Variants in DZANK1 observed in about 807,000 individuals in gnomAD.
DZANK1 encodes double zinc ribbon and ankyrin repeat-containing protein 1.
DZANK1 carries 91 observed loss-of-function variants against 94.5 expected under a neutral mutation model. That is an observed-to-expected ratio of 0.96 (90% CI 0.81 to 1.15). The LOEUF (loss-of-function observed/expected upper bound fraction) is 1.15. Ranked by LOEUF, DZANK1 falls within the 50% of genes most tolerant of loss-of-function variation. The pLI is 0.00. For synonymous variants in DZANK1, 312 were observed against 325.3 expected (o/e 0.96, Z 0.44); for missense variants, 903 against 916.4 (o/e 0.99, Z 0.19).
At chr20:18,448,886 A>AAAT in intron 7 of DZANK1, 98 bp downstream of exon 7, 3 of 776,014 alleles carry the variant, frequency 3.9e-6, no homozygotes, top group Non-Finnish European at 6.1e-6. Context: ...AAAAAAAAAA[A>AAAT]GTTGGAGGTG....
At chr20:18,437,518 G>A (rs955138348) in intron 8 of DZANK1, among the ~76,000 whole-genome samples, 3 of 152,118 alleles carry the variant, frequency 2.0e-5, no homozygotes, top group Non-Finnish European at 4.4e-5. Flanking sequence ...GGCAGAGGTT[G>A]CAGTGAGCCG....
chr20:18,443,622 A>AGGTAATTT (rs2058781755), intron 7 of DZANK1, among the ~76,000 whole-genome samples, 158 bp from the exon 8 acceptor site: 1 of 152,224 alleles, frequency 6.6e-6, no homozygotes, highest in South Asian at 2.1e-4. Context: ...ATACTTATCT[A>AGGTAATTT]GGTCATTTGG....
chr20:18,422,916 T>C (rs778504733), intron 10 of DZANK1, among the ~76,000 whole-genome samples: 12 of 151,972 alleles, frequency 7.9e-5, no homozygotes, highest in African/African-American at 1.9e-4. Flanking sequence ...TTGATAGGGA[T>C]TGCATTCAAT....
chr20:18,465,920 G>A (rs531083362), intron 1 of DZANK1, among the ~76,000 whole-genome samples: 1 of 152,342 alleles, frequency 6.6e-6, no homozygotes, highest in Non-Finnish European at 1.5e-5. Context: ...TAGAAGGACT[G>A]CAGAGTACTA....
chr20:18,421,999 A>G (rs2057802835), intron 10 of DZANK1, among the ~76,000 whole-genome samples: 2 of 152,114 alleles, frequency 1.3e-5, no homozygotes, highest in South Asian at 4.1e-4. Flanking sequence ...ATTTTCTTCC[A>G]TTCTGTAGGT....
chr20:18,422,938 T>TC (rs1413786106), intron 10 of DZANK1, among the ~76,000 whole-genome samples: 1 of 151,978 alleles, frequency 6.6e-6, no homozygotes, highest in Non-Finnish European at 1.5e-5. Context: ...TGTAGATCTC[T>TC]CTTTAGGTAT....
chr20:18,395,471 C>A (rs1160686621), intron 15 of DZANK1, among the ~76,000 whole-genome samples: 1 of 152,166 alleles, frequency 6.6e-6, no homozygotes, highest in African/African-American at 2.4e-5. Context: ...TGGTGGCCTG[C>A]CCCATTCCCA....
chr20:18,428,334 G>A (rs57855732), intron 9 of DZANK1, among the ~76,000 whole-genome samples: 3 of 151,578 alleles, frequency 2.0e-5, no homozygotes, highest in African/African-American at 7.2e-5. Flanking sequence ...GACTAGAGGC[G>A]CATGCCACTA....
rs769581606 is a variant in DZANK1 at position 18,415,380 on chromosome 20, A to AT, written c.1023dup (p.Cys342MetfsTer30). The AT allele has an allele frequency of 2.5e-6, 4 of 1,596,714 alleles. No homozygotes were observed. The African/African-American group carries it at 5.4e-5, about 22-fold the overall frequency. ...GCCTCCCAGAGATTCCAGCGACCACATCTGTAGCAGGAAATGGTCCCCCCT... is the reference window on the plus strand; with the variant it reads ...GCCTCCCAGAGATTCCAGCGACCACATTCTGTAGCAGGAAATGGTCCCCCCT... On this transcript the variant is annotated frameshift_variant, in exon 11 of 21. Transcript: ENST00000262547. LOFTEE classifies it high-confidence loss of function.
chr20:18,394,895 A>C (rs1216232619), intron 15 of DZANK1: 1 of 456,646 alleles, frequency 2.2e-6, no homozygotes, highest in African/African-American at 2.0e-5. Context: ...CCTCAATGGC[A>C]TGTCGTGAAA....
intron 11 of DZANK1, among the ~76,000 whole-genome samples, chr20:18,414,889 T>C (rs981435602): frequency 5.9e-5 from 9 of 152,194 alleles, no homozygotes; most frequent in Non-Finnish European, 1.2e-4. Context: ...TATACATGCA[T>C]TGAATAGCTG....
At chr20:18,384,637 C>T in intron 20 of DZANK1, 73 bp from the exon 21 acceptor site, 1 of 1,466,294 alleles carries the variant, frequency 6.8e-7, no homozygotes, top group African/African-American at 1.4e-5. Context: ...TGACTCTACC[C>T]TGCCATGGAG....
intron 9 of DZANK1, 51 bp from the exon 10 acceptor site, chr20:18,427,210 C>G: frequency 2.1e-6 from 3 of 1,400,660 alleles, no homozygotes; most frequent in East Asian, 2.3e-5. Context: ...AACAACTGTG[C>G]AAAGAAATCA....
At chr20:18,411,372 C>T (rs2057249154) in intron 13 of DZANK1, among the ~76,000 whole-genome samples, 2 of 152,136 alleles carry the variant, frequency 1.3e-5, no homozygotes, top group South Asian at 4.2e-4. Context: ...CAACTGTATG[C>T]TAATAAATTA....
exon 21 of DZANK1, chr20:18,384,537 A>G: frequency 6.2e-7 from 1 of 1,608,154 alleles, no homozygotes; most frequent in Non-Finnish European, 8.5e-7. Context: ...GGCCTCCTGC[A>G]TTCTTCTTTT....
chr20:18,462,226 T>G (rs753366739), intron 2 of DZANK1, among the ~76,000 whole-genome samples: 23 of 152,054 alleles, frequency 1.5e-4, no homozygotes, highest in Non-Finnish European at 2.9e-4. Context: ...ATATCCCCTG[T>G]ACCTAGAATG....
chr20:18,403,603 C>T (rs2056796903), intron 13 of DZANK1, among the ~76,000 whole-genome samples: 2 of 152,016 alleles, frequency 1.3e-5, no homozygotes, highest in Non-Finnish European at 2.9e-5. Flanking sequence ...CTAAATAGGC[C>T]AGCCAGTTTA....
At chr20:18,413,752 C>T (rs919009830) in intron 12 of DZANK1, among the ~76,000 whole-genome samples, 2 of 152,046 alleles carry the variant, frequency 1.3e-5, no homozygotes, top group Admixed American at 1.3e-4. Flanking sequence ...TGCACTCCAG[C>T]CTGAGCAACA....
intron 13 of DZANK1, among the ~76,000 whole-genome samples, chr20:18,407,369 T>C (rs1053933093): frequency 6.6e-6 from 1 of 152,244 alleles, no homozygotes; most frequent in Non-Finnish European, 1.5e-5. Context: ...GCAGTACCTC[T>C]ACAAGTCTGC....
Sources: gnomAD v4.1 joint callset for allele counts (sites outside exome capture counted in the v4.1 genomes callset) on GRCh38, gnomAD v4.1.1 for gene constraint, MANE v1.5 for transcripts, NCBI Gene and HGNC (gene_info 2026-07-23, HGNC 2026-07-21) for gene names.